REPS2: variants seen among roughly 807,000 people sequenced by gnomAD.
REPS2 encodes RALBP1 associated Eps domain containing 2.
In REPS2, 23 loss-of-function variants were observed where a neutral mutation model predicts 53.6. The ratio of observed to expected loss-of-function variants is 0.43; its 90% confidence interval spans 0.31 to 0.61. The LOEUF (loss-of-function observed/expected upper bound fraction) is 0.61. Ranked by LOEUF, REPS2 falls within the 20% of genes least tolerant of loss-of-function variation. The pLI is 0.11. For synonymous variants in REPS2, 238 were observed against 218.6 expected, an observed-to-expected ratio of 1.09 and a Z score of -0.78; for missense variants, 446 against 534.9, an observed-to-expected ratio of 0.83 and a Z score of 1.64.
At chrX:17,100,980 C>A (rs956469650) in intron 13 of REPS2, among the ~76,000 whole-genome samples, 2 of 109,842 alleles carry the variant, frequency 1.8e-5, no homozygotes, top group African/African-American at 6.6e-5. Context: ...GGCTTCCCCC[C>A]AAAAAATGCT....
At chrX:17,071,084 T>G (rs1474538726) in intron 11 of REPS2, among the ~76,000 whole-genome samples, 1 of 112,144 alleles carries the variant, frequency 8.9e-6, no homozygotes, top group Non-Finnish European at 1.9e-5. Flanking sequence ...AATAGAAAAT[T>G]AAGGTTATAG....
the REPS2 span, among the ~76,000 whole-genome samples, chrX:17,161,194 A>G: frequency 9.0e-6 from 1 of 111,449 alleles, no homozygotes; most frequent in Non-Finnish European, 1.9e-5. Flanking sequence ...GACTGTGATA[A>G]GCAGAATTTT....
intron 1 of REPS2, among the ~76,000 whole-genome samples, chrX:16,964,808 C>T (rs1189393979): frequency 1.1e-4 from 9 of 83,313 alleles, no homozygotes; most frequent in African/African-American, 2.8e-4. Flanking sequence ...ACCTCCCTCC[C>T]GGACGGGGCG....
chrX:16,968,890 G>A (rs1158914320), intron 1 of REPS2, among the ~76,000 whole-genome samples: 50 of 109,907 alleles, frequency 4.5e-4, no homozygotes, highest in African/African-American at 1.7e-3. Context: ...CTTCCCAGAC[G>A]GGATGGCTGC....
chrX:17,185,061 G>A, the REPS2 span, among the ~76,000 whole-genome samples: 1 of 111,152 alleles, frequency 9.0e-6, no homozygotes, highest in African/African-American at 3.3e-5. Flanking sequence ...GCTCAGCTGA[G>A]TGTTTCTTCT....
intron 13 of REPS2, chrX:17,100,111 G>A: frequency 1.1e-6 from 1 of 931,841 alleles, no homozygotes; most frequent in Admixed American, 2.2e-5. Flanking sequence ...GCTGTTTTCT[G>A]TGACGGCAGA....
At chrX:17,088,174 G>A (rs2062566867) in intron 13 of REPS2, among the ~76,000 whole-genome samples, 2 of 111,677 alleles carry the variant, frequency 1.8e-5, no homozygotes, top group East Asian at 5.6e-4. Context: ...AAAAAAAGAT[G>A]TGTACTTCTT....
At chrX:17,021,127 A>C (rs1290288938) in intron 2 of REPS2, among the ~76,000 whole-genome samples, 1 of 112,154 alleles carries the variant, frequency 8.9e-6, no homozygotes, top group African/African-American at 3.2e-5. Flanking sequence ...AGCTGATGGA[A>C]GTGCAAAGGC....
chrX:17,102,076 ATGT>A (rs2062814880), intron 13 of REPS2, among the ~76,000 whole-genome samples: 1 of 54,460 alleles, frequency 1.8e-5, no homozygotes, highest in Non-Finnish European at 3.5e-5. Flanking sequence ...ATGTTATGTT[ATGT>A]TATTTTATTT....
At chrX:17,085,440 T>A (rs780658783) in intron 13 of REPS2, among the ~76,000 whole-genome samples, 2 of 112,129 alleles carry the variant, frequency 1.8e-5, no homozygotes, top group Non-Finnish European at 3.8e-5. Context: ...TTGGTATGGC[T>A]TGCATTGAAT....
chrX:17,044,808 A>G (rs918608057), intron 5 of REPS2, among the ~76,000 whole-genome samples: 2 of 112,164 alleles, frequency 1.8e-5, no homozygotes, highest in Non-Finnish European at 3.8e-5. Flanking sequence ...ACCTGGTCAG[A>G]CATCTGGGCT....
At chrX:17,193,763 G>A in the REPS2 span, among the ~76,000 whole-genome samples, 2 of 111,509 alleles carry the variant, frequency 1.8e-5, no homozygotes, top group Admixed American at 9.6e-5. Context: ...AGAAAAGACA[G>A]TGAGAAAACA....
intron 1 of REPS2, among the ~76,000 whole-genome samples, chrX:16,954,393 A>G (rs115539870): frequency 0.034 from 3,822 of 112,329 alleles, 175 homozygotes; most frequent in African/African-American, 0.12. Context: ...CTACATTTCT[A>G]TCTTTGTTCC....
At chrX:17,176,344 G>T in the REPS2 span, among the ~76,000 whole-genome samples, 1 of 111,574 alleles carries the variant, frequency 9.0e-6, no homozygotes, top group Middle Eastern at 4.6e-3. Context: ...TAAAGCAGCA[G>T]GTAATTGATG....
chrX:17,014,921 G>A (rs1244459629), intron 2 of REPS2, among the ~76,000 whole-genome samples: 1 of 113,237 alleles, frequency 8.8e-6, no homozygotes, highest in African/African-American at 3.2e-5. Context: ...GAATTTTAAT[G>A]TTCAGGATGG....
At chrX:16,970,732 C>T (rs759666194) in intron 1 of REPS2, among the ~76,000 whole-genome samples, 3 of 112,484 alleles carry the variant, frequency 2.7e-5, no homozygotes, top group South Asian at 7.3e-4. Flanking sequence ...TCTATGGATT[C>T]GTCTATTCCA....
chrX:17,190,580 C>G, the REPS2 span, among the ~76,000 whole-genome samples: 1 of 112,172 alleles, frequency 8.9e-6, no homozygotes, highest in African/African-American at 3.2e-5. Context: ...CAATCCTAAT[C>G]AAAATTCCAG....
At chrX:17,175,140 G>C in the REPS2 span, among the ~76,000 whole-genome samples, 1 of 112,837 alleles carries the variant, frequency 8.9e-6, no homozygotes, top group Non-Finnish European at 1.9e-5. Context: ...CTACGCTTGA[G>C]AAATTGGGAG....
the REPS2 span, among the ~76,000 whole-genome samples, chrX:17,196,269 T>G: frequency 2.7e-5 from 3 of 111,626 alleles, no homozygotes; most frequent in Non-Finnish European, 5.7e-5. Context: ...AAAAAAGAAA[T>G]AAAGGAGTTT....
Sources: allele counts gnomAD v4.1 joint callset (sites outside exome capture counted in the v4.1 genomes callset), GRCh38; gene constraint gnomAD v4.1.1; transcripts MANE v1.5; gene names NCBI Gene and HGNC (gene_info 2026-07-23, HGNC 2026-07-21).